CMC4: variants seen among roughly 807,000 people sequenced by gnomAD.
The protein encoded by CMC4 is C-X9-C motif containing 4.
In CMC4, 4 loss-of-function variants were observed where a neutral mutation model predicts 5.1. The ratio of observed to expected loss-of-function variants is 0.78; its 90% CI spans 0.38 to 1.78. The LOEUF (loss-of-function observed/expected upper bound fraction) is 1.78, where lower values mean the gene tolerates loss of function less well. Ranked by LOEUF, CMC4 falls within the 40% of genes most tolerant of loss-of-function variation. CMC4 has a pLI of 0.04. For synonymous variants in CMC4, 23 were observed against 18.9 expected, an observed-to-expected ratio of 1.22 and a Z score of -0.57; for missense variants, 52 against 51.3, an observed-to-expected ratio of 1.01 and a Z score of -0.04.
Position 155,070,822 on chromosome X carries a change from C to T in CMC4, c.-139G>A, listed in dbSNP as rs1477836666. On this transcript the variant is annotated 5_prime_UTR_variant, in exon 1 of 3. Coordinates refer to ENST00000369484, the MANE Select transcript of CMC4 (RefSeq NM_001018024.3). ...AGCCCGGGGTGAGCCGAGGGGCATCCCGGGCCGAGGTCACTCGAACCGAAG... is the reference window on the plus strand; with the variant it reads ...AGCCCGGGGTGAGCCGAGGGGCATCTCGGGCCGAGGTCACTCGAACCGAAG... 8.9e-6 allele frequency: 1 copy of T among 112,850 alleles called. No individual in the cohort carries two copies. Among genetic ancestry groups the T allele is most frequent in the Non-Finnish European group, 1.9e-5 (1 of 53,266 alleles). 9.3% of individuals were successfully genotyped at this position (112,850 alleles called of 1,213,427 possible).
intron 1 of CMC4, among the ~76,000 whole-genome samples, chrX:155,067,073 C>T (rs1196048139): frequency 3.6e-5 from 4 of 111,764 alleles, no homozygotes; most frequent in African/African-American, 1.3e-4. Context: ...AGTATAGATA[C>T]GGCACTGGGG....
At chrX:155,069,593 C>T (rs1223529749) in intron 1 of CMC4, among the ~76,000 whole-genome samples, 2 of 112,288 alleles carry the variant, frequency 1.8e-5, no homozygotes, top group African/African-American at 6.5e-5. Flanking sequence ...AGTTAGGTAA[C>T]TTGCTCAAGG....
intron 1 of CMC4, chrX:155,065,473 T>C (rs369294001): frequency 2.7e-5 from 32 of 1,195,934 alleles, no homozygotes; most frequent in African/African-American, 5.3e-5. Context: ...AGAGGAGAAA[T>C]AGAAATACAT....
In CMC4 at chrX:155,063,968, T is replaced by C. The variant is rs2073938399; in HGVS notation, c.56A>G (p.Gln19Arg). 2 of 1,193,353 alleles carry C rather than the reference T, an allele frequency of 1.7e-6. No individual in the cohort carries two copies. Among genetic ancestry groups the C allele is most frequent in the East Asian group, 3.0e-5 (1 of 33,255 alleles). ...TAAAGCATTTTACAATATACTACCT[T>C]GTAAACATTTCTGTATCTCACAGGC... is the stretch of plus-strand genomic sequence containing the variant. ...KQACEIQKCL[Q>R]ANSYMESKCQ... Residue 19 changes from glutamine (Q) to arginine (R), a missense_variant and splice_region_variant, in exon 2 of 3, where the codon CAA becomes CGA. By Grantham distance (43) the Gln-to-Arg change is conservative. Transcript: ENST00000369484.
chrX:155,070,374 CGT>C (rs1381311640), intron 1 of CMC4, among the ~76,000 whole-genome samples: 2 of 112,126 alleles, frequency 1.8e-5, no homozygotes, highest in Non-Finnish European at 3.8e-5. Context: ...TCAAAATCCA[CGT>C]GTGATTCCTA....
intron 2 of CMC4, 62 bp downstream of exon 2, chrX:155,063,904 T>G (rs2073937973): frequency 4.6e-6 from 4 of 860,751 alleles, no homozygotes; most frequent in Non-Finnish European, 6.6e-6. Flanking sequence ...AAAAGAATAA[T>G]TGGTCTCTTA....
Position 155,061,902 on chromosome X carries a change from A to G in CMC4, c.148T>C (p.Cys50Arg), listed in dbSNP as rs1557291640. The G allele has an allele frequency of 8.3e-7, 1 of 1,211,826 alleles. No homozygotes were observed. The highest frequency in any genetic ancestry group is 2.2e-5 in the Admixed American group (1 of 46,054). ...AQYPKGRSVV[C>R]SGFEKEEEEN... ...TCCTCTTCTTTTTCAAATCCTGAAC[A>G]GACGACAGATCTTCCCTTGGGATAC... Residue 50 changes from cysteine to arginine, a missense_variant, in exon 3 of 3, where the codon TGT becomes CGT. By Grantham distance (180) the Cys-to-Arg change is radical. Transcript: ENST00000369484.
At position 155,061,663 on chromosome X, in the gene CMC4, ACATTCT is replaced by A; in HGVS notation, c.*174_*179del. The A allele has an allele frequency of 2.0e-6, 1 of 488,927 alleles. No homozygotes were observed. The highest frequency in any genetic ancestry group is 3.2e-6 in the Non-Finnish European group (1 of 309,766). 40.3% of individuals were successfully genotyped at this position (488,927 alleles called of 1,213,427 possible). On this transcript the variant is annotated 3_prime_UTR_variant, in exon 3 of 3. Transcript: ENST00000369484. ...GTTTATTTTAGCAGCTCAGTATATT[ACATTCT>A]ACATATTTGTCTTTTAATGTGTTTA...
intron 1 of CMC4, among the ~76,000 whole-genome samples, chrX:155,069,275 A>G (rs1425254784): frequency 8.9e-6 from 1 of 112,484 alleles, no homozygotes; most frequent in Non-Finnish European, 1.9e-5. Context: ...TTAGAAGTCA[A>G]TTAATAAACT....
At chrX:155,068,351 G>C (rs1201516036) in intron 1 of CMC4, among the ~76,000 whole-genome samples, 1 of 112,563 alleles carries the variant, frequency 8.9e-6, no homozygotes, top group African/African-American at 3.2e-5. Flanking sequence ...CAGAAGAAAG[G>C]CAGTGTGATG....
chrX:155,062,307 G>A (rs2073931281), intron 2 of CMC4, among the ~76,000 whole-genome samples: 1 of 111,933 alleles, frequency 8.9e-6, no homozygotes, highest in Non-Finnish European at 1.9e-5. Flanking sequence ...TGATGAATTA[G>A]GAAAATGCAC....
intron 2 of CMC4, among the ~76,000 whole-genome samples, chrX:155,063,194 A>G (rs1557291750): frequency 8.9e-6 from 1 of 112,354 alleles, no homozygotes; most frequent in East Asian, 2.8e-4. Flanking sequence ...CAAAAAATGA[A>G]AAGTCCAAGA....
intron 1 of CMC4, chrX:155,065,590 A>G: frequency 1.7e-6 from 2 of 1,209,179 alleles, no homozygotes; most frequent in Non-Finnish European, 2.2e-6. Context: ...GTCCCAGTAC[A>G]ATGGAAAATA....
rs183333394 is a variant in CMC4, at chrX:155,062,727, T to A, written c.59-736A>T. ...TGATTAGAAAGGCAGTATAGCAAGG[T>A]GGGTAACAGTCCAGATTTGGAGCTA... On this transcript the variant is annotated intron_variant, in intron 2 of 2. Coordinates refer to ENST00000369484, the MANE Select transcript of CMC4 (RefSeq NM_001018024.3). Among the ~76,000 whole-genome samples the A allele has an allele frequency of 3.6e-5, 4 of 111,532 alleles. No homozygotes were observed. In the East Asian group the frequency reaches 8.4e-4, roughly 23 times the overall value.
At chrX:155,065,311 C>T in intron 1 of CMC4, 1 of 471,019 alleles carries the variant, frequency 2.1e-6, no homozygotes, top group Non-Finnish European at 3.7e-6. Context: ...TCCCCCCAGG[C>T]CCAAGGGTGG....
At chrX:155,063,915 T>C (rs782142886) in intron 2 of CMC4, 51 bp downstream of exon 2, 11 of 971,752 alleles carry the variant, frequency 1.1e-5, no homozygotes, top group Non-Finnish European at 1.6e-5. Context: ...TGGTCTCTTA[T>C]AGTTAGTTCA....
intron 1 of CMC4, among the ~76,000 whole-genome samples, chrX:155,068,477 C>G (rs2073957310): frequency 8.9e-6 from 1 of 112,011 alleles, no homozygotes; most frequent in African/African-American, 3.2e-5. Flanking sequence ...CATGCAGGCC[C>G]AGAGAAAGAC....
chrX:155,067,265 A>T (rs1557292089), intron 1 of CMC4, among the ~76,000 whole-genome samples: 1 of 111,873 alleles, frequency 8.9e-6, no homozygotes, highest in East Asian at 2.8e-4. Flanking sequence ...GTTTTCATAC[A>T]TATGTGCTCT....
chrX:155,063,076 A>G (rs2073934498), intron 2 of CMC4, among the ~76,000 whole-genome samples: 1 of 112,239 alleles, frequency 8.9e-6, no homozygotes, highest in South Asian at 3.7e-4. Context: ...ATTAAATGCA[A>G]AAAACTTTTT....
Sources: allele counts gnomAD v4.1 joint callset (sites outside exome capture counted in the v4.1 genomes callset), GRCh38; gene constraint gnomAD v4.1.1; transcripts MANE v1.5; gene names NCBI Gene and HGNC (gene_info 2026-07-23, HGNC 2026-07-21).